CCND3: variants seen among roughly 807,000 people sequenced by gnomAD.
CCND3 encodes the protein cyclin D3, also known as G1/S-specific cyclin-D3.
CCND3 carries 9 observed loss-of-function variants against 28.7 expected under a neutral mutation model. The observed-to-expected ratio is 0.31, with a 90% CI of 0.19 to 0.55. The LOEUF is 0.55. Ranked by LOEUF, CCND3 falls within the 20% of genes least tolerant of loss-of-function variation. The pLI is 0.93. For synonymous variants in CCND3, 164 were observed against 163.9 expected, an observed-to-expected ratio of 1.00 and a Z score of 0.00; for missense variants, 315 against 385.8, an observed-to-expected ratio of 0.82 and a Z score of 1.54.
At chr6:41,980,972 G>A (rs1240906092) in intron 1 of CCND3, among the ~76,000 whole-genome samples, 1 of 152,090 alleles carries the variant, frequency 6.6e-6, no homozygotes, top group Non-Finnish European at 1.5e-5. Flanking sequence ...CCAGGAACAA[G>A]CGAAGGAGGT....
At chr6:41,954,852 G>A (rs1251309997) in intron 1 of CCND3, among the ~76,000 whole-genome samples, 2 of 152,198 alleles carry the variant, frequency 1.3e-5, no homozygotes, top group Non-Finnish European at 2.9e-5. Context: ...CCACTGTGCT[G>A]CGATGCCTGG....
At chr6:41,952,300 G>A (rs939822944) in intron 1 of CCND3, among the ~76,000 whole-genome samples, 1 of 152,200 alleles carries the variant, frequency 6.6e-6, no homozygotes, top group African/African-American at 2.4e-5. Flanking sequence ...CCTGAGAGGC[G>A]ATTCCATGAA....
At chr6:41,959,678 C>CGCCG (rs1761651878) in intron 1 of CCND3, among the ~76,000 whole-genome samples, 1 of 111,432 alleles carries the variant, frequency 9.0e-6, no homozygotes, top group Admixed American at 8.7e-5. Context: ...CACAGCAAGA[C>CGCCG]TAAATCAGGC....
intron 1 of CCND3, among the ~76,000 whole-genome samples, chr6:42,044,859 GC>G (rs1251913845): frequency 6.6e-6 from 1 of 151,212 alleles, no homozygotes; most frequent in Non-Finnish European, 1.5e-5. Flanking sequence ...CGTGATCTTG[GC>G]TCACTGCAAC....
intron 1 of CCND3, among the ~76,000 whole-genome samples, chr6:41,968,374 G>GT (rs1271763872): frequency 2.0e-5 from 3 of 151,996 alleles, no homozygotes. Context: ...AGGAATACTG[G>GT]TTTTTTTAAT....
intron 1 of CCND3, among the ~76,000 whole-genome samples, chr6:42,027,754 G>GT (rs200198690): frequency 1.7e-3 from 259 of 150,838 alleles, no homozygotes; most frequent in African/African-American, 5.5e-3. Flanking sequence ...TTGTTTGTTT[G>GT]TTTGTTTTTG....
intron 1 of CCND3, among the ~76,000 whole-genome samples, chr6:42,024,672 C>A (rs1363897397): frequency 6.6e-6 from 1 of 152,104 alleles, no homozygotes; most frequent in Admixed American, 6.6e-5. Flanking sequence ...TGTAATTCCA[C>A]CATTTTGGGA....
intron 1 of CCND3, among the ~76,000 whole-genome samples, chr6:41,979,086 G>T (rs1271020172): frequency 7.0e-6 from 1 of 142,728 alleles, no homozygotes; most frequent in Non-Finnish European, 1.5e-5. Flanking sequence ...CAGGAGAATC[G>T]CTTGAACCCA....
chr6:41,954,087 C>G (rs1776378809), intron 1 of CCND3, among the ~76,000 whole-genome samples: 1 of 150,894 alleles, frequency 6.6e-6, no homozygotes, highest in Admixed American at 6.6e-5. Flanking sequence ...CCCATCTCCA[C>G]TAAAAATACA....
chr6:41,948,708 C>T (rs558350258), intron 1 of CCND3, among the ~76,000 whole-genome samples: 1 of 151,876 alleles, frequency 6.6e-6, no homozygotes, highest in Admixed American at 6.6e-5. Context: ...GGCATGGTGG[C>T]GCGTGCCTGT....
chr6:42,023,998 C>T lies in CCND3; in HGVS notation c.-46+24503G>A, dbSNP rs530241795. On this transcript the variant is annotated intron_variant, in intron 1 of 4. Transcript: ENST00000372988. ...GCCAGGCACTGTTCTGAGTGCTGTA[C>T]GTGCATAAAGCCTCCTAACAACTCA... is the stretch of plus-strand genomic sequence containing the variant. 6.6e-5 allele frequency among the ~76,000 whole-genome samples: 10 copies of T among 152,224 alleles called. No homozygotes were observed. In the South Asian group the frequency reaches 2.1e-3, roughly 32 times the overall value.
chr6:41,983,246 C>T (rs1307246441), intron 1 of CCND3, among the ~76,000 whole-genome samples: 5 of 151,592 alleles, frequency 3.3e-5, no homozygotes, highest in Non-Finnish European at 5.9e-5. Context: ...GGCATGGTGG[C>T]GGGCGCCTGT....
intron 1 of CCND3, among the ~76,000 whole-genome samples, chr6:41,970,648 TA>T (rs1367221121): frequency 6.6e-6 from 1 of 152,130 alleles, no homozygotes; most frequent in East Asian, 1.9e-4. Context: ...ATTATGGAAG[TA>T]AATCTAACCC....
At chr6:41,979,641 C>A (rs201211307) in intron 1 of CCND3, among the ~76,000 whole-genome samples, 1,254 of 89,616 alleles carry the variant, frequency 0.014, 20 homozygotes, top group African/African-American at 0.03. Context: ...CTCTCTCTCT[C>A]TCTATATATA....
At chr6:41,971,996 C>G (rs890218375) in intron 1 of CCND3, among the ~76,000 whole-genome samples, 6 of 149,702 alleles carry the variant, frequency 4.0e-5, no homozygotes, top group African/African-American at 1.2e-4. Context: ...GAGGCCAAGA[C>G]GGGCGGATCA....
intron 1 of CCND3, among the ~76,000 whole-genome samples, chr6:41,994,513 T>G (rs1561977637): frequency 6.6e-6 from 1 of 152,176 alleles, no homozygotes; most frequent in African/African-American, 2.4e-5. Flanking sequence ...TTTAGGGTAG[T>G]GAAAGTATTC....
intron 1 of CCND3, among the ~76,000 whole-genome samples, chr6:42,047,030 T>G (rs542891170): frequency 6.6e-6 from 1 of 152,196 alleles, no homozygotes; most frequent in Non-Finnish European, 1.5e-5. Context: ...GCCTACCTCA[T>G]AGGACTATAT....
intron 1 of CCND3, among the ~76,000 whole-genome samples, chr6:41,989,233 T>C (rs1278714565): frequency 6.6e-6 from 1 of 151,252 alleles, no homozygotes; most frequent in Non-Finnish European, 1.5e-5. Flanking sequence ...CTAAGGCGGG[T>C]GGATCACCTG....
chr6:42,003,032 C>G (rs1325175086), intron 1 of CCND3, among the ~76,000 whole-genome samples: 1 of 150,568 alleles, frequency 6.6e-6, no homozygotes, highest in Non-Finnish European at 1.5e-5. Flanking sequence ...TGTGGTGGCA[C>G]ATGCCTGTAA....
Sources: gnomAD v4.1 joint callset for allele counts (sites outside exome capture counted in the v4.1 genomes callset) on GRCh38, gnomAD v4.1.1 for gene constraint, MANE v1.5 for transcripts, NCBI Gene and HGNC (gene_info 2026-07-23, HGNC 2026-07-21) for gene names.